The following NDUFA8 variants were observed in gnomAD, a reference collection of about 807,000 sequenced individuals.
NDUFA8 encodes the protein NADH:ubiquinone oxidoreductase subunit A8.
A neutral mutation model predicts 20.9 loss-of-function variants in NDUFA8; 16 were observed. The ratio of observed to expected loss-of-function variants is 0.77; its 90% confidence interval spans 0.52 to 1.16. The LOEUF (loss-of-function observed/expected upper bound fraction) is 1.16. Among genes scored for constraint, NDUFA8 ranks in the 50% most tolerant of loss-of-function variants. The probability of loss-of-function intolerance (pLI) is 0.00; values close to 1 mark genes in which losing one functional copy is unlikely to be tolerated. For synonymous variants in NDUFA8, 70 were observed against 76.1 expected (o/e 0.92, Z 0.41); for missense variants, 202 against 216.4 (o/e 0.93, Z 0.42).
chr9:122,132,709 G>T, the NDUFA8 span, among the ~76,000 whole-genome samples: 1 of 152,108 alleles, frequency 6.6e-6, no homozygotes, highest in Non-Finnish European at 1.5e-5. Context: ...CATCCTGCTC[G>T]CATGGGCTGG....
At position 122,147,497 on chromosome 9, in the gene NDUFA8, C is replaced by T. The variant is rs532810943; in HGVS notation, c.381+615G>A. On this transcript the variant is annotated intron_variant, in intron 3 of 3. Coordinates refer to ENST00000373768, the MANE Select transcript of NDUFA8 (RefSeq NM_014222.3). ...TTTCCCCAGTGAATTCCACAATAAC[C>T]TCCACAATGTTTTCAACTGACAGTG... Among the ~76,000 whole-genome samples, 5 of 152,300 alleles carry T rather than the reference C, an allele frequency of 3.3e-5. No homozygotes were observed. In the South Asian group the frequency reaches 8.3e-4, roughly 25 times the overall value.
downstream of NDUFA8, among the ~76,000 whole-genome samples, chr9:122,143,017 C>T (rs910536994): frequency 1.3e-5 from 2 of 152,210 alleles, no homozygotes; most frequent in African/African-American, 4.8e-5. Context: ...CTGCTGGAAG[C>T]ATCCAAAATG....
downstream of NDUFA8, among the ~76,000 whole-genome samples, chr9:122,142,322 T>A (rs1255557885): frequency 6.6e-6 from 1 of 152,252 alleles, no homozygotes; most frequent in Non-Finnish European, 1.5e-5. Flanking sequence ...TAGCCTCCTG[T>A]ACTTGCTTCC....
chr9:122,143,722 C>G (rs567458929), downstream of NDUFA8, among the ~76,000 whole-genome samples: 4 of 152,358 alleles, frequency 2.6e-5, no homozygotes, highest in South Asian at 6.2e-4. Flanking sequence ...CCCTCCCATT[C>G]CGAGTCATGC....
Position 122,148,229 on chromosome 9 carries a change from G to A in NDUFA8, c.264C>T (p.Cys88=), listed in dbSNP as rs1249799272. Residue 88 remains cysteine, a synonymous_variant, in exon 3 of 4, where the codon TGC becomes TGT. Transcript: ENST00000373768. The stretch of plus-strand genomic sequence containing the variant: ...ATAACTGCTGGCCAGTATAATCAAT[G>A]CAAGTCCAATATTCTGTAAAAGGCT... ...CAEPFTEYWT[C]IDYTGQQLFR... 5 of 1,614,146 alleles carry A rather than the reference G, an allele frequency of 3.1e-6. No individual in the cohort carries two copies.
chr9:122,158,332 G>A (rs1347645783), intron 1 of NDUFA8, among the ~76,000 whole-genome samples: 1 of 151,908 alleles, frequency 6.6e-6, no homozygotes, highest in East Asian at 1.9e-4. Flanking sequence ...ACTGGATCAA[G>A]TCCAAACTGT....
At chr9:122,134,815 A>T in the NDUFA8 span, among the ~76,000 whole-genome samples, 1 of 152,140 alleles carries the variant, frequency 6.6e-6, no homozygotes, top group Admixed American at 6.5e-5. Flanking sequence ...CCGACACTCC[A>T]TGAGTTAGTT....
chr9:122,143,847 T>G (rs1213530970), downstream of NDUFA8, among the ~76,000 whole-genome samples: 1 of 152,204 alleles, frequency 6.6e-6, no homozygotes, highest in Non-Finnish European at 1.5e-5. Flanking sequence ...TCAAAATGTG[T>G]GAACACAGAC....
At chr9:122,156,038 C>A (rs948413159) in intron 1 of NDUFA8, among the ~76,000 whole-genome samples, 6 of 152,216 alleles carry the variant, frequency 3.9e-5, no homozygotes, top group Non-Finnish European at 8.8e-5. Context: ...GAGATTGTGA[C>A]CTCCAACCAG....
chr9:122,139,786 C>T (rs1828795747), downstream of NDUFA8, among the ~76,000 whole-genome samples: 1 of 152,182 alleles, frequency 6.6e-6, no homozygotes, highest in Non-Finnish European at 1.5e-5. Flanking sequence ...CTCCACCTCC[C>T]AAGTTCAAAT....
chr9:122,151,538 TGA>T (rs1255356639), intron 2 of NDUFA8, among the ~76,000 whole-genome samples: 1 of 137,756 alleles, frequency 7.3e-6, no homozygotes, highest in African/African-American at 2.5e-5. Context: ...TACAGCAAGG[TGA>T]GAGTCTTTCC....
chr9:122,143,654 T>C (rs1395951694), downstream of NDUFA8, among the ~76,000 whole-genome samples: 1 of 152,182 alleles, frequency 6.6e-6, no homozygotes, highest in Non-Finnish European at 1.5e-5. Context: ...GGGGAAGTGG[T>C]GGAAGTTCGG....
At position 122,152,229 on chromosome 9, in the gene NDUFA8, T is replaced by A; in HGVS notation, c.215+16A>T. 6.2e-7 allele frequency: 1 copy of A among 1,614,064 alleles called. No homozygotes were observed. The highest frequency in any genetic ancestry group is 1.1e-5 in the South Asian group (1 of 91,082). ...TATGCTTCAACCAAGTAGGCACTGA[T>A]ACCAAAGATTTTTACCTAAAGAAGT... On this transcript the variant is annotated intron_variant, in intron 2 of 3. Transcript: ENST00000373768.
chr9:122,149,348 C>A (rs985787116), intron 2 of NDUFA8, among the ~76,000 whole-genome samples: 1 of 152,232 alleles, frequency 6.6e-6, no homozygotes, highest in African/African-American at 2.4e-5. Flanking sequence ...TAAGCATAAC[C>A]TGCACCCACA....
the NDUFA8 span, among the ~76,000 whole-genome samples, chr9:122,134,864 G>C: frequency 6.6e-6 from 1 of 152,196 alleles, no homozygotes; most frequent in Non-Finnish European, 1.5e-5. Flanking sequence ...CACTGGACTT[G>C]GCAATGGGTC....
At chr9:122,139,099 G>C (rs1828784306), downstream of NDUFA8, among the ~76,000 whole-genome samples, 1 of 152,152 alleles carries the variant, frequency 6.6e-6, no homozygotes, top group Non-Finnish European at 1.5e-5. Flanking sequence ...TTATAGATAG[G>C]CTGTGACCTG....
the NDUFA8 span, among the ~76,000 whole-genome samples, chr9:122,135,953 CTCAAG>C: frequency 6.6e-6 from 1 of 152,192 alleles, no homozygotes; most frequent in African/African-American, 2.4e-5. Flanking sequence ...CCTTGAGAAG[CTCAAG>C]TCAAGAAAGG....
At chr9:122,158,679 AT>A (rs929396003) in intron 1 of NDUFA8, among the ~76,000 whole-genome samples, 54 of 150,760 alleles carry the variant, frequency 3.6e-4, no homozygotes, top group African/African-American at 1.2e-3. Context: ...ATATATATAT[AT>A]GACCAATTGT....
the NDUFA8 span, among the ~76,000 whole-genome samples, chr9:122,137,167 C>G: frequency 7.3e-5 from 11 of 151,166 alleles, no homozygotes; most frequent in African/African-American, 2.7e-4. Context: ...TCAAAGCCCT[C>G]ATAATAATCC....
Sources: allele counts gnomAD v4.1 joint callset (sites outside exome capture counted in the v4.1 genomes callset), GRCh38; gene constraint gnomAD v4.1.1; transcripts MANE v1.5; gene names NCBI Gene and HGNC (gene_info 2026-07-23, HGNC 2026-07-21).